TNFRSF13B: variants seen among roughly 807,000 people sequenced by gnomAD.
The protein encoded by TNFRSF13B is tumor necrosis factor receptor superfamily member 13B.
In TNFRSF13B, 34 loss-of-function variants were observed where a neutral mutation model predicts 24.0. The ratio of observed to expected loss-of-function variants is 1.41; its 90% confidence interval spans 1.08 to 1.88. TNFRSF13B has a LOEUF of 1.88. Ranked by LOEUF, TNFRSF13B falls within the 40% of genes most tolerant of loss-of-function variation. TNFRSF13B has a pLI of 0.00. For missense variants in TNFRSF13B, 415 were observed against 380.8 expected (o/e 1.09, Z -0.75); for synonymous variants, 173 against 150.3 (o/e 1.15, Z -1.10).
rs1163874548 is a variant in TNFRSF13B at position 16,952,652 on chromosome 17, C to T, written c.62-69G>A. Reference sequence around the variant, plus strand: ...CCCGGCCTCTTGTCCCTGATGGGAACCAAGACGGCCTCTCCTGCCCACATT... The same window carrying T: ...CCCGGCCTCTTGTCCCTGATGGGAATCAAGACGGCCTCTCCTGCCCACATT... On this transcript the variant is annotated intron_variant, in intron 1 of 4. Coordinates refer to ENST00000261652, the MANE Select transcript of TNFRSF13B (RefSeq NM_012452.3). The T allele has an allele frequency of 3.7e-6, 6 of 1,608,574 alleles. No individual in the cohort carries two copies. In the Admixed American group the frequency reaches 8.4e-5, roughly 22 times the overall value.
chr17:16,961,979 A>G (rs2087665452), intron 1 of TNFRSF13B, among the ~76,000 whole-genome samples: 1 of 152,202 alleles, frequency 6.6e-6, no homozygotes, highest in Non-Finnish European at 1.5e-5. Flanking sequence ...GAAGATGGAC[A>G]TTCTCAGCAT....
At position 16,952,505 on chromosome 17, in the gene TNFRSF13B, C is replaced by CA. The variant is rs767415456; in HGVS notation, c.139dup (p.Cys47LeufsTer34). ...GTTGCAAATGGTTTTGCAGGACATG[C>CA]AGGTACCCAGCAGAGGATCCCAGTA... On this transcript the variant is annotated frameshift_variant, in exon 2 of 5. Coordinates refer to ENST00000261652, the MANE Select transcript of TNFRSF13B (RefSeq NM_012452.3). LOFTEE classifies it high-confidence loss of function. The CA allele has an allele frequency of 6.2e-7, 1 of 1,614,186 alleles. No homozygotes were observed. The highest frequency in any genetic ancestry group is 2.2e-5 in the East Asian group (1 of 44,878).
intron 1 of TNFRSF13B, among the ~76,000 whole-genome samples, chr17:16,955,740 C>T (rs35286584): frequency 0.036 from 5,553 of 152,210 alleles, 126 homozygotes; most frequent in South Asian, 0.11. Context: ...CTCTGGGAAT[C>T]TGTGCCTCCT....
chr17:16,966,474 T>C (rs1007835433), intron 1 of TNFRSF13B, among the ~76,000 whole-genome samples: 32 of 152,238 alleles, frequency 2.1e-4, no homozygotes, highest in African/African-American at 7.2e-4. Flanking sequence ...AAATACAACA[T>C]AAGGATGCTT....
In TNFRSF13B at chr17:16,963,486, G is replaced by A. The variant is rs144959724; in HGVS notation, c.61+8529C>T. ...ACCTGTAGATGTGACTGAAAGAGAAGGAACAGTAAAAGCTTGGCAGATAGG... is the reference window on the plus strand; with the variant it reads ...ACCTGTAGATGTGACTGAAAGAGAAAGAACAGTAAAAGCTTGGCAGATAGG... On this transcript the variant is annotated intron_variant, in intron 1 of 4. Coordinates refer to ENST00000261652, the MANE Select transcript of TNFRSF13B (RefSeq NM_012452.3). 5.1e-3 allele frequency among the ~76,000 whole-genome samples: 780 copies of A among 152,226 alleles called. 7 individuals are homozygous for A. The highest frequency in any genetic ancestry group is 0.018 in the African/African-American group (747 of 41,524).
chr17:16,941,706 G>A (rs1043943947), intron 3 of TNFRSF13B, among the ~76,000 whole-genome samples: 7 of 152,250 alleles, frequency 4.6e-5, no homozygotes, highest in East Asian at 1.9e-4. Flanking sequence ...AATGGCAACT[G>A]TCTAATTGGA....
rs117316200 is a variant in TNFRSF13B, at chr17:16,967,433, C to A, written c.61+4582G>T. Among the ~76,000 whole-genome samples the A allele has an allele frequency of 6.2e-3, 944 of 152,036 alleles. 4 individuals are homozygous for A. The highest frequency in any genetic ancestry group is 9.8e-3 in the Non-Finnish European group (664 of 67,964). ...AATTCTAATCATATTTGTAAATGGTCATGTATACATTAAAAAATTGTGTTA... is the reference window on the plus strand; with the variant it reads ...AATTCTAATCATATTTGTAAATGGTAATGTATACATTAAAAAATTGTGTTA... On this transcript the variant is annotated intron_variant, in intron 1 of 4. Transcript: ENST00000261652.
At chr17:16,971,169 G>A (rs1015101354) in intron 1 of TNFRSF13B, among the ~76,000 whole-genome samples, 2 of 152,084 alleles carry the variant, frequency 1.3e-5, no homozygotes, top group East Asian at 1.9e-4. Context: ...CCAACGTGGC[G>A]AAAGCCTATC....
Position 16,939,235 on chromosome 17 carries a change from C to G in TNFRSF13B, c.*312G>C, listed in dbSNP as rs1296959692. Reference sequence around the variant, plus strand: ...ACTGGGACTCAGAGTGCCCCGACCTCCTGCTCTATCTCTCTCTGTCCCTCT... The same window carrying G: ...ACTGGGACTCAGAGTGCCCCGACCTGCTGCTCTATCTCTCTCTGTCCCTCT... On this transcript the variant is annotated 3_prime_UTR_variant, in exon 5 of 5. Coordinates refer to ENST00000261652, the MANE Select transcript of TNFRSF13B (RefSeq NM_012452.3). 2 of 310,726 alleles carry G rather than the reference C, an allele frequency of 6.4e-6. No homozygotes were observed. The highest frequency in any genetic ancestry group is 6.0e-6 in the Non-Finnish European group (1 of 167,880). The allele number at this position is 310,726 out of a possible 1,614,324, so 19.2% of individuals were successfully genotyped here. A position where few individuals can be genotyped will look rare whatever the true frequency, so the allele number is the denominator to read the frequency against.
At chr17:16,956,510 C>T (rs946700963) in intron 1 of TNFRSF13B, among the ~76,000 whole-genome samples, 4 of 151,808 alleles carry the variant, frequency 2.6e-5, no homozygotes, top group South Asian at 2.1e-4. Flanking sequence ...TTAAGGAAAC[C>T]GACAGAGAAC....
chr17:16,960,416 A>G (rs749099580), intron 1 of TNFRSF13B, among the ~76,000 whole-genome samples: 1 of 152,150 alleles, frequency 6.6e-6, no homozygotes, highest in African/African-American at 2.4e-5. Context: ...AAAGAAATAG[A>G]AGTATCCACA....
chr17:16,946,361 C>A (rs1422719236), intron 3 of TNFRSF13B, among the ~76,000 whole-genome samples: 1 of 152,088 alleles, frequency 6.6e-6, no homozygotes, highest in Admixed American at 6.5e-5. Flanking sequence ...TATGGATCCA[C>A]ACGGCATCCC....
At chr17:16,948,044 A>G (rs548121757) in intron 3 of TNFRSF13B, among the ~76,000 whole-genome samples, 3 of 152,354 alleles carry the variant, frequency 2.0e-5, no homozygotes, top group South Asian at 2.1e-4. Context: ...TTGCAGCAAC[A>G]TGGATGCAAC....
chr17:16,969,087 T>C (rs921360553), intron 1 of TNFRSF13B, among the ~76,000 whole-genome samples: 1 of 152,240 alleles, frequency 6.6e-6, no homozygotes, highest in Admixed American at 6.5e-5. Context: ...GGAACCCTCA[T>C]GCATGAAGTG....
chr17:16,952,370 T>C (rs2087594595), intron 2 of TNFRSF13B, 76 bp downstream of exon 2: 1 of 1,604,262 alleles, frequency 6.2e-7, no homozygotes, highest in Non-Finnish European at 8.5e-7. Context: ...CACCTGACTG[T>C]GGGGCCAGAG....
chr17:16,941,522 G>A, intron 3 of TNFRSF13B: 2 of 987,622 alleles, frequency 2.0e-6, no homozygotes, highest in Non-Finnish European at 2.4e-6. Context: ...GACACGTCAA[G>A]AAGAGCGAGT....
chr17:16,939,390 CCTCT>C lies in TNFRSF13B; in HGVS notation c.*153_*156del. On this transcript the variant is annotated 3_prime_UTR_variant, in exon 5 of 5. Transcript: ENST00000261652. ...CTCTCTTCCCCTCTGTCTCTCTCTCCCTCTGTCTCTCTCTCCCTCTCTGTCTCCT... is the reference window on the plus strand; with the variant it reads ...CTCTCTTCCCCTCTGTCTCTCTCTCCGTCTCTCTCTCCCTCTCTGTCTCCT... 3 of 871,296 alleles carry C rather than the reference CCTCT, an allele frequency of 3.4e-6. No homozygotes were observed. Among genetic ancestry groups the C allele is most frequent in the East Asian group, 2.9e-5 (1 of 34,448 alleles). The allele number at this position is 871,296 out of a possible 1,614,324, so 54.0% of individuals were successfully genotyped here.
At chr17:16,941,563 C>T in intron 3 of TNFRSF13B, 5 of 987,622 alleles carry the variant, frequency 5.1e-6, no homozygotes, top group Non-Finnish European at 6.0e-6. Flanking sequence ...TCCCCTACAG[C>T]ACCCCCTTCA....
At chr17:16,956,184 A>C (rs1188610230) in intron 1 of TNFRSF13B, among the ~76,000 whole-genome samples, 3 of 152,246 alleles carry the variant, frequency 2.0e-5, no homozygotes, top group Admixed American at 6.5e-5. Flanking sequence ...ACTGTGCAAA[A>C]ATACAAATTA....
Sources: gnomAD v4.1 joint callset for allele counts (sites outside exome capture counted in the v4.1 genomes callset) on GRCh38, gnomAD v4.1.1 for gene constraint, MANE v1.5 for transcripts, NCBI Gene and HGNC (gene_info 2026-07-23, HGNC 2026-07-21) for gene names.